HS2ST1: variants seen among roughly 807,000 people sequenced by gnomAD.
The protein encoded by HS2ST1 is heparan sulfate 2-O-sulfotransferase 1.
In HS2ST1, 18 loss-of-function variants were observed where a neutral mutation model predicts 42.9. The ratio of observed to expected loss-of-function variants is 0.42; its 90% CI spans 0.29 to 0.62. The LOEUF is 0.62. HS2ST1 is among the 20% of genes least tolerant of loss of function. The probability of loss-of-function intolerance (pLI) is 0.21; values close to 1 mark genes in which losing one functional copy is unlikely to be tolerated. For missense variants in HS2ST1, 334 were observed against 433.8 expected (o/e 0.77, Z 2.04); for synonymous variants, 146 against 152.9 (o/e 0.95, Z 0.33).
At chr1:87,065,324 C>T (rs1164393708) in intron 1 of HS2ST1, among the ~76,000 whole-genome samples, 1 of 152,218 alleles carries the variant, frequency 6.6e-6, no homozygotes, top group East Asian at 1.9e-4. Context: ...GCTTATCTAG[C>T]TCTACAATAG....
chr1:86,949,270 G>A (rs1030933019), intron 1 of HS2ST1, among the ~76,000 whole-genome samples: 4 of 151,970 alleles, frequency 2.6e-5, no homozygotes, highest in African/African-American at 7.2e-5. Context: ...CACCATGTCC[G>A]TCTAATTTTT....
chr1:87,018,745 C>T (rs903665506), intron 1 of HS2ST1, among the ~76,000 whole-genome samples: 2 of 152,120 alleles, frequency 1.3e-5, no homozygotes, highest in African/African-American at 4.8e-5. Flanking sequence ...TCTTTCTTGG[C>T]CATTCCGTTT....
intron 5 of HS2ST1, among the ~76,000 whole-genome samples, chr1:87,101,226 C>G (rs1458350142): frequency 2.3e-5 from 3 of 129,032 alleles, no homozygotes; most frequent in African/African-American, 5.9e-5. Flanking sequence ...AGTGCAGTGG[C>G]ACGATCTCGG....
intron 1 of HS2ST1, among the ~76,000 whole-genome samples, chr1:86,981,938 G>A (rs983355085): frequency 6.6e-6 from 1 of 152,242 alleles, no homozygotes; most frequent in African/African-American, 2.4e-5. Context: ...TTCTCCATGA[G>A]AGCTCTGCCC....
intron 1 of HS2ST1, among the ~76,000 whole-genome samples, chr1:87,048,659 TTATCA>T (rs1650756800): frequency 6.6e-6 from 1 of 151,740 alleles, no homozygotes; most frequent in Non-Finnish European, 1.5e-5. Flanking sequence ...GCTGAGATTT[TTATCA>T]TGCTTCTAGT....
At chr1:86,963,165 A>ATT (rs796906264) in intron 1 of HS2ST1, among the ~76,000 whole-genome samples, 2 of 144,088 alleles carry the variant, frequency 1.4e-5, no homozygotes, top group East Asian at 4.0e-4. Context: ...TTTTTTTTGT[A>ATT]TTTTTTTTTT....
At chr1:87,073,279 G>A (rs1539610) in intron 2 of HS2ST1, 107 bp downstream of exon 2, 658,785 of 790,738 alleles carry the variant, frequency 0.83, 275,475 homozygotes, top group East Asian at 0.96. Flanking sequence ...GCTGATCTCA[G>A]TGGATCATAA....
intron 5 of HS2ST1, among the ~76,000 whole-genome samples, chr1:87,102,101 A>G (rs1032506343): frequency 6.6e-6 from 1 of 151,622 alleles, no homozygotes; most frequent in African/African-American, 2.4e-5. Flanking sequence ...CTTGTCGCCC[A>G]GGCTGGAGTG....
At chr1:86,926,046 T>C (rs1660410502) in intron 1 of HS2ST1, among the ~76,000 whole-genome samples, 1 of 152,226 alleles carries the variant, frequency 6.6e-6, no homozygotes, top group African/African-American at 2.4e-5. Flanking sequence ...TTTTGTCTTT[T>C]TGAGGCTTGC....
At chr1:87,077,553 CTTG>C (rs910859449) in intron 2 of HS2ST1, among the ~76,000 whole-genome samples, 18 of 152,286 alleles carry the variant, frequency 1.2e-4, no homozygotes, top group African/African-American at 3.8e-4. Context: ...CTGTATCACT[CTTG>C]TTGTGTCTTC....
At chr1:87,057,718 G>A (rs1651008492) in intron 1 of HS2ST1, among the ~76,000 whole-genome samples, 2 of 151,972 alleles carry the variant, frequency 1.3e-5, no homozygotes, top group Admixed American at 6.6e-5. Flanking sequence ...AGGCGTGGTG[G>A]CAGGTGCCTG....
At chr1:86,980,827 A>C (rs1243284073) in intron 1 of HS2ST1, among the ~76,000 whole-genome samples, 4 of 152,226 alleles carry the variant, frequency 2.6e-5, no homozygotes. Flanking sequence ...AGTATTTATT[A>C]ACGGAAAATT....
At chr1:86,990,786 G>C (rs1367805369) in intron 1 of HS2ST1, among the ~76,000 whole-genome samples, 36 of 119,862 alleles carry the variant, frequency 3.0e-4, no homozygotes, top group Non-Finnish European at 1.2e-4. Flanking sequence ...GGGATTACAG[G>C]CATATGCCAC....
At chr1:86,941,061 T>C (rs1302827113) in intron 1 of HS2ST1, among the ~76,000 whole-genome samples, 1 of 152,204 alleles carries the variant, frequency 6.6e-6, no homozygotes, top group Admixed American at 6.5e-5. Flanking sequence ...TCCAAACATC[T>C]GTAATATGCT....
At chr1:86,915,287 C>A (rs1212086313) in intron 1 of HS2ST1, 127 bp downstream of exon 1, 4 of 1,083,720 alleles carry the variant, frequency 3.7e-6, no homozygotes, top group South Asian at 1.6e-5. Context: ...TCAAAGAGAA[C>A]CGGGAACAAG....
intron 1 of HS2ST1, among the ~76,000 whole-genome samples, chr1:86,935,616 C>T (rs1400233403): frequency 6.6e-6 from 1 of 151,732 alleles, no homozygotes; most frequent in African/African-American, 2.4e-5. Context: ...GCGTGCACCA[C>T]CACTCCCAGC....
At chr1:86,989,540 G>C (rs1648883347) in intron 1 of HS2ST1, among the ~76,000 whole-genome samples, 1 of 152,076 alleles carries the variant, frequency 6.6e-6, no homozygotes, top group Non-Finnish European at 1.5e-5. Context: ...ACATCAATAG[G>C]CATCCTTGGG....
At chr1:87,001,824 G>C (rs1197591362) in intron 1 of HS2ST1, among the ~76,000 whole-genome samples, 1 of 151,956 alleles carries the variant, frequency 6.6e-6, no homozygotes, top group Admixed American at 6.6e-5. Flanking sequence ...TGTTGATCAG[G>C]CTGGTCTCAA....
chr1:86,916,319 GCAAAAA>G (rs574000941), intron 1 of HS2ST1, among the ~76,000 whole-genome samples: 132 of 152,204 alleles, frequency 8.7e-4, no homozygotes, highest in African/African-American at 1.6e-3. Flanking sequence ...TGAGAAGCCA[GCAAAAA>G]CAAAAACAAA....
Sources: gnomAD v4.1 joint callset for allele counts (sites outside exome capture counted in the v4.1 genomes callset) on GRCh38, gnomAD v4.1.1 for gene constraint, MANE v1.5 for transcripts, NCBI Gene and HGNC (gene_info 2026-07-23, HGNC 2026-07-21) for gene names.